The following ITPA variants were observed in gnomAD, a reference collection of about 807,000 sequenced individuals.
ITPA encodes inosine triphosphatase, also known as inosine triphosphate pyrophosphatase.
ITPA carries 29 observed loss-of-function variants against 29.6 expected under a neutral mutation model. The observed-to-expected ratio is 0.98, with a 90% confidence interval of 0.73 to 1.34. The LOEUF is 1.34. Ranked by LOEUF, ITPA falls within the 40% of genes most tolerant of loss-of-function variation. The pLI, the probability that ITPA is intolerant of heterozygous loss-of-function variation, is 0.00. For missense variants in ITPA, 241 were observed against 251.5 expected (o/e 0.96, Z 0.28); for synonymous variants, 103 against 99.3 (o/e 1.04, Z -0.22).
chr20:3,209,860 G>T lies in ITPA; in HGVS notation c.66+243G>T, dbSNP rs1475048992. Among the ~76,000 whole-genome samples, 1 of 152,200 alleles carries T rather than the reference G, an allele frequency of 6.6e-6. No homozygotes were observed. The highest frequency in any genetic ancestry group is 1.9e-4 in the East Asian group (1 of 5,194). On this transcript the variant is annotated intron_variant, in intron 1 of 7. Coordinates refer to ENST00000380113, the MANE Select transcript of ITPA (RefSeq NM_033453.4). This position sits in a 1 kb window ranked among gnomAD's most constrained non-coding sequence, Gnocchi z 4.6. ...CTCGACAGATCCCGACACAGGGCTT[G>T]TGTGGTCAGCGACTGCGGGACCCGG...
intron 7 of ITPA, 109 bp downstream of exon 7, chr20:3,222,026 C>A: frequency 2.8e-6 from 3 of 1,058,456 alleles, no homozygotes; most frequent in Non-Finnish European, 4.3e-6. Context: ...GCAGGGGAGG[C>A]TCCCAGGGTG....
intron 1 of ITPA, among the ~76,000 whole-genome samples, chr20:3,212,514 T>C (rs1250262176): frequency 6.6e-6 from 1 of 152,028 alleles, no homozygotes; most frequent in African/African-American, 2.4e-5. Flanking sequence ...AAAGATGGGG[T>C]TTTGCCATGT....
At chr20:3,216,716 T>C (rs575292071) in intron 5 of ITPA, among the ~76,000 whole-genome samples, 38 of 152,206 alleles carry the variant, frequency 2.5e-4, no homozygotes, top group African/African-American at 8.7e-4. Flanking sequence ...CCTCCCAAAG[T>C]GCTGGGTTTA....
At chr20:3,215,646 C>T (rs1308488702) in intron 5 of ITPA, among the ~76,000 whole-genome samples, 1 of 152,174 alleles carries the variant, frequency 6.6e-6, no homozygotes, top group African/African-American at 2.4e-5. Flanking sequence ...CAGTGCATAT[C>T]CTGTCACCCA....
upstream of ITPA, among the ~76,000 whole-genome samples, chr20:3,206,580 C>T (rs139595380): frequency 5.3e-5 from 8 of 152,102 alleles, no homozygotes; most frequent in East Asian, 1.5e-3. Context: ...CCCATAATCC[C>T]AGCACTTCGG....
At chr20:3,226,589 T>C (rs1410686946), downstream of ITPA, among the ~76,000 whole-genome samples, 1 of 152,216 alleles carries the variant, frequency 6.6e-6, no homozygotes, top group Admixed American at 6.5e-5. The surrounding 1 kb of genome is among the most constrained non-coding windows in gnomAD (Gnocchi z 4.4). Flanking sequence ...TGGGCCTCCT[T>C]CTTCCCCTGT....
chr20:3,206,655 C>T (rs1023516989), upstream of ITPA, among the ~76,000 whole-genome samples: 1 of 151,624 alleles, frequency 6.6e-6, no homozygotes, highest in African/African-American at 2.4e-5. Flanking sequence ...ACGGTGAAAC[C>T]CCGTCTCTAC....
upstream of ITPA, chr20:3,209,242 G>A (rs1173501210): frequency 2.2e-6 from 1 of 450,946 alleles, no homozygotes. This position sits in a 1 kb window ranked among gnomAD's most constrained non-coding sequence, Gnocchi z 4.6. Flanking sequence ...CCCCATTGCA[G>A]AGAAGAGCGA....
intron 3 of ITPA, 105 bp from the exon 4 acceptor site, chr20:3,213,880 C>A: frequency 8.7e-7 from 1 of 1,154,460 alleles, no homozygotes. Flanking sequence ...CCACAGATCT[C>A]AGCTAGCTGA....
At chr20:3,225,003 A>G (rs1300473172), downstream of ITPA, among the ~76,000 whole-genome samples, 1 of 152,178 alleles carries the variant, frequency 6.6e-6, no homozygotes, top group African/African-American at 2.4e-5. Context: ...CCAGGACTTC[A>G]TAACCAGCCT....
At chr20:3,214,569 ATTATT>A (rs971892522) in intron 4 of ITPA, among the ~76,000 whole-genome samples, 14 of 149,838 alleles carry the variant, frequency 9.3e-5, no homozygotes, top group African/African-American at 1.5e-4. Flanking sequence ...TAATTTTTTA[ATTATT>A]TTATTTTATT....
upstream of ITPA, among the ~76,000 whole-genome samples, chr20:3,205,304 C>G (rs2067063179): frequency 3.3e-5 from 5 of 151,034 alleles, no homozygotes; most frequent in South Asian, 1.1e-3. Flanking sequence ...TTTGCTGTAT[C>G]TGTGACACTG....
At chr20:3,220,067 C>T (rs564863590) in intron 6 of ITPA, among the ~76,000 whole-genome samples, 1,660 of 144,410 alleles carry the variant, frequency 0.011, 50 homozygotes, top group African/African-American at 0.039. Context: ...AAAAAACAAA[C>T]CTTAATTATT....
At chr20:3,212,548 T>C (rs560630966) in intron 1 of ITPA, among the ~76,000 whole-genome samples, 1 of 152,306 alleles carries the variant, frequency 6.6e-6, no homozygotes, top group Non-Finnish European at 1.5e-5. Flanking sequence ...CTCAAACTTC[T>C]GGGCTCAAGC....
downstream of ITPA, among the ~76,000 whole-genome samples, chr20:3,225,438 C>G (rs963238457): frequency 1.3e-5 from 2 of 152,100 alleles, no homozygotes; most frequent in Non-Finnish European, 2.9e-5. Flanking sequence ...AACCAGTGGC[C>G]AGTGGTTTAT....
intron 4 of ITPA, 105 bp downstream of exon 4, chr20:3,214,163 C>T: frequency 1.0e-6 from 1 of 979,134 alleles, no homozygotes; most frequent in South Asian, 1.3e-5. Flanking sequence ...GTCTTAGCAT[C>T]AACAGCCTTT....
Position 3,221,423 on chromosome 20 carries a change from C to T in ITPA, c.412-418C>T, listed in dbSNP as rs6139034. 0.21 allele frequency among the ~76,000 whole-genome samples: 31,965 copies of T among 152,068 alleles called. 4,128 individuals carry two copies. The highest frequency in any genetic ancestry group is 0.49 in the South Asian group (2,365 of 4,822). On this transcript the variant is annotated intron_variant, in intron 6 of 7. Transcript: ENST00000380113. ...AAAGTCTTCCTTGTATTTTCAGGAA[C>T]GCTGTCATAGTAGCCGGCATCTGGC...
At position 3,209,542 on chromosome 20, in the gene ITPA, G is replaced by C. The variant is rs773712912; in HGVS notation, c.-10G>C. 1 of 1,613,668 alleles carries C rather than the reference G, an allele frequency of 6.2e-7. No homozygotes were observed. Among genetic ancestry groups the C allele is most frequent in the Non-Finnish European group, 8.5e-7 (1 of 1,179,660 alleles). On this transcript the variant is annotated 5_prime_UTR_variant, in exon 1 of 8. Transcript: ENST00000380113. The surrounding 1 kb of genome is among the most constrained non-coding windows in gnomAD (Gnocchi z 4.6). ...TTTTCGGTGGCTCAGCTGGGTAACC[G>C]GGGATCACCATGGCGGCCTCATTGG...
chr20:3,220,065 A>G (rs2067423907), intron 6 of ITPA, among the ~76,000 whole-genome samples: 1 of 145,156 alleles, frequency 6.9e-6, no homozygotes, highest in Non-Finnish European at 1.5e-5. Flanking sequence ...AAAAAAAACA[A>G]ACCTTAATTA....
Sources: allele counts gnomAD v4.1 joint callset (sites outside exome capture counted in the v4.1 genomes callset), GRCh38; gene constraint gnomAD v4.1.1; non-coding constraint Gnocchi (gnomAD v3.1); transcripts MANE v1.5; gene names NCBI Gene and HGNC (gene_info 2026-07-23, HGNC 2026-07-21).